Variants in SGK3 observed in about 807,000 individuals in gnomAD.
SGK3 encodes the protein serine/threonine-protein kinase Sgk3.
SGK3 carries 47 observed loss-of-function variants against 68.5 expected under a neutral mutation model. That is an observed-to-expected ratio of 0.69 (90% CI 0.54 to 0.87). The LOEUF (loss-of-function observed/expected upper bound fraction) is 0.87. Among genes scored for constraint, SGK3 ranks in the 40% least tolerant of loss-of-function variants. The pLI is 0.00. For synonymous variants in SGK3, 181 were observed against 189.1 expected, an observed-to-expected ratio of 0.96 and a Z score of 0.35; for missense variants, 479 against 575.5, an observed-to-expected ratio of 0.83 and a Z score of 1.72.
intron 1 of SGK3, among the ~76,000 whole-genome samples, chr8:66,720,731 C>G (rs915268188): frequency 3.3e-5 from 5 of 151,498 alleles, no homozygotes; most frequent in African/African-American, 1.2e-4. Context: ...GATCGCACCA[C>G]TGCACTCCAG....
chr8:66,852,962 G>A (rs1373762196), intron 16 of SGK3, among the ~76,000 whole-genome samples: 2 of 152,204 alleles, frequency 1.3e-5, no homozygotes, highest in East Asian at 1.9e-4. Flanking sequence ...AATGGAAACA[G>A]TATTGACTTC....
rs10095448 is a variant in SGK3 at position 66,744,519 on chromosome 8, A to G, written c.-122+31686A>G. ...TATATATATATATATATATATATAT[A>G]TTTTTTTTTTTTTTTTTTTTTTTTT... On this transcript the variant is annotated intron_variant, in intron 1 of 16. Transcript: ENST00000521198. Among the ~76,000 whole-genome samples, 89 of 21,274 alleles carry G rather than the reference A, an allele frequency of 4.2e-3. 2 individuals are homozygous for G. The highest frequency in any genetic ancestry group is 0.014 in the African/African-American group (82 of 5,990). The allele number at this position is 21,274 out of a possible 152,430, so 14.0% of individuals were successfully genotyped here. A position where few individuals can be genotyped will look rare whatever the true frequency, so the allele number is the denominator to read the frequency against.
At position 66,844,809 on chromosome 8, in the gene SGK3, G is replaced by C. The variant is rs116551863; in HGVS notation, c.1074+1262G>C. On this transcript the variant is annotated intron_variant, in intron 14 of 16. Coordinates refer to ENST00000521198, the MANE Select transcript of SGK3 (RefSeq NM_001033578.3). ...TCAGAGCGTTTGTTTTATCTTGCTA[G>C]TTTCGAATGATAGATTCCTGTGAAA... is the stretch of plus-strand genomic sequence containing the variant. 3.1e-3 allele frequency among the ~76,000 whole-genome samples: 478 copies of C among 152,318 alleles called. 4 individuals carry two copies. Among genetic ancestry groups the C allele is most frequent in the African/African-American group, 0.011 (466 of 41,580 alleles).
chr8:66,809,047 T>C (rs1450759209), intron 4 of SGK3, among the ~76,000 whole-genome samples: 1 of 151,692 alleles, frequency 6.6e-6, no homozygotes, highest in Non-Finnish European at 1.5e-5. Context: ...TTTTGTATTT[T>C]TAGTAGAGAC....
intron 1 of SGK3, among the ~76,000 whole-genome samples, chr8:66,717,072 G>A (rs1586663833): frequency 6.6e-6 from 1 of 151,802 alleles, no homozygotes; most frequent in Non-Finnish European, 1.5e-5. Flanking sequence ...GGGCATGGTG[G>A]TGCATGCCTG....
chr8:66,817,980 A>G (rs1808662267), intron 5 of SGK3, among the ~76,000 whole-genome samples: 1 of 152,112 alleles, frequency 6.6e-6, no homozygotes, highest in African/African-American at 2.4e-5. Context: ...TCATGGTGGC[A>G]TGTGCCGGTA....
intron 10 of SGK3, 45 bp downstream of exon 10, chr8:66,836,119 T>A: frequency 1.9e-6 from 3 of 1,568,568 alleles, no homozygotes; most frequent in Non-Finnish European, 2.6e-6. Context: ...TTTAGAAAAA[T>A]AGCATAAAGT....
chr8:66,850,497 TC>T lies in SGK3; in HGVS notation c.1231-333del. The stretch of plus-strand genomic sequence containing the variant: ...GTAACTCTGTAGTGCTTTATTCTTT[TC>T]ATAGCACTTTACATCCATACTTTAC... On this transcript the variant is annotated intron_variant, in intron 15 of 16. Transcript: ENST00000521198. Among the ~76,000 whole-genome samples, 3 of 152,300 alleles carry T rather than the reference TC, an allele frequency of 2.0e-5. 1 individual carries two copies. The highest frequency in any genetic ancestry group is 2.0e-4 in the Admixed American group (3 of 15,302).
chr8:66,840,724 A>C (rs1029673750), intron 12 of SGK3: 1 of 222,204 alleles, frequency 4.5e-6, no homozygotes, highest in Non-Finnish European at 8.7e-6. Context: ...TTGGGAGGCC[A>C]AGATGGGTGG....
At chr8:66,767,825 T>C (rs776677967) in intron 1 of SGK3, 1 of 1,510,902 alleles carries the variant, frequency 6.6e-7, no homozygotes, top group Non-Finnish European at 9.2e-7. Context: ...AAAGCCTTTC[T>C]GGTAGCTTTA....
At chr8:66,855,268 T>C (rs753061500) in intron 16 of SGK3, among the ~76,000 whole-genome samples, 5 of 152,168 alleles carry the variant, frequency 3.3e-5, no homozygotes, top group Non-Finnish European at 5.9e-5. Context: ...AGTGGTGCAA[T>C]CTCGGCTCAC....
intron 1 of SGK3, among the ~76,000 whole-genome samples, chr8:66,762,727 TA>T (rs1806211544): frequency 6.6e-6 from 1 of 152,230 alleles, no homozygotes; most frequent in Non-Finnish European, 1.5e-5. Flanking sequence ...TTAAGTCTTT[TA>T]TTCTGTATAT....
At chr8:66,775,085 G>C (rs1026835699) in intron 1 of SGK3, 1 of 152,388 alleles carries the variant, frequency 6.6e-6, no homozygotes, top group African/African-American at 2.4e-5. Context: ...AGCTCCTTCG[G>C]GGGTGTGGCC....
At chr8:66,760,525 A>G (rs1183217369) in intron 1 of SGK3, among the ~76,000 whole-genome samples, 7 of 151,480 alleles carry the variant, frequency 4.6e-5, no homozygotes, top group African/African-American at 9.7e-5. Context: ...TAGTAGAGAC[A>G]GGGTTTCACC....
intron 1 of SGK3, among the ~76,000 whole-genome samples, chr8:66,724,383 C>T (rs1266807349): frequency 6.6e-6 from 1 of 152,214 alleles, no homozygotes; most frequent in African/African-American, 2.4e-5. Flanking sequence ...TGAGACCAGC[C>T]TGGCCAATAT....
At chr8:66,720,577 C>T (rs541622719) in intron 1 of SGK3, among the ~76,000 whole-genome samples, 1 of 151,604 alleles carries the variant, frequency 6.6e-6, no homozygotes, top group Non-Finnish European at 1.5e-5. Flanking sequence ...TGAGACCAGC[C>T]TGGCCAACAT....
intron 14 of SGK3, among the ~76,000 whole-genome samples, chr8:66,845,207 T>C (rs1809957942): frequency 6.6e-6 from 1 of 152,166 alleles, no homozygotes; most frequent in Non-Finnish European, 1.5e-5. Flanking sequence ...AAGACCAGCC[T>C]GTCCAACATG....
chr8:66,786,657 T>C (rs914960682), intron 1 of SGK3, among the ~76,000 whole-genome samples: 1 of 152,338 alleles, frequency 6.6e-6, no homozygotes, highest in South Asian at 2.1e-4. Context: ...TATGTTTTTC[T>C]TCAGAGCAAC....
intron 4 of SGK3, among the ~76,000 whole-genome samples, chr8:66,812,427 C>T (rs1474150558): frequency 1.3e-5 from 2 of 151,730 alleles, no homozygotes; most frequent in African/African-American, 2.4e-5. Context: ...TGTGGTGGTG[C>T]GTGCCTGTAA....
Sources: allele counts gnomAD v4.1 joint callset (sites outside exome capture counted in the v4.1 genomes callset), GRCh38; gene constraint gnomAD v4.1.1; transcripts MANE v1.5; gene names NCBI Gene and HGNC (gene_info 2026-07-23, HGNC 2026-07-21).